The following PRKG1 variants were observed in gnomAD, a reference collection of about 807,000 sequenced individuals.
PRKG1 encodes cGMP-dependent protein kinase 1.
PRKG1 carries 35 observed loss-of-function variants against 88.1 expected under a neutral mutation model. That is an observed-to-expected ratio of 0.40 (90% CI 0.30 to 0.53). The LOEUF is 0.53. PRKG1 is among the 20% of genes least tolerant of loss of function. The pLI is 0.59. For synonymous variants in PRKG1, 303 were observed against 292.5 expected, an observed-to-expected ratio of 1.04 and a Z score of -0.37; for missense variants, 540 against 839.8, an observed-to-expected ratio of 0.64 and a Z score of 4.41.
intron 9 of PRKG1, among the ~76,000 whole-genome samples, chr10:52,223,676 G>T (rs1840309592): frequency 1.3e-5 from 2 of 152,086 alleles, no homozygotes; most frequent in Admixed American, 6.6e-5. Flanking sequence ...CAACCTATTT[G>T]AAAAATCCAC....
chr10:51,997,688 T>C (rs1480472972), intron 5 of PRKG1, among the ~76,000 whole-genome samples: 1 of 152,206 alleles, frequency 6.6e-6, no homozygotes, highest in Non-Finnish European at 1.5e-5. Context: ...TTGTACGCAA[T>C]AAATACATAC....
At chr10:51,733,447 A>G (rs1837171866) in intron 3 of PRKG1, among the ~76,000 whole-genome samples, 2 of 152,314 alleles carry the variant, frequency 1.3e-5, no homozygotes, top group South Asian at 4.2e-4. Context: ...TCTTGAACCA[A>G]CTAATAGTAA....
chr10:51,884,262 C>T (rs1310148874), intron 4 of PRKG1, among the ~76,000 whole-genome samples: 6 of 149,590 alleles, frequency 4.0e-5, no homozygotes, highest in African/African-American at 9.8e-5. Flanking sequence ...CTGGCTAACA[C>T]GGTGAAACCC....
intron 9 of PRKG1, among the ~76,000 whole-genome samples, chr10:52,205,269 C>A (rs754683251): frequency 2.1e-4 from 32 of 152,086 alleles, no homozygotes; most frequent in Non-Finnish European, 3.5e-4. Context: ...ACCTCTGTGA[C>A]CCACACCCTA....
At chr10:51,651,968 T>A (rs1840050351) in intron 3 of PRKG1, among the ~76,000 whole-genome samples, 1 of 152,224 alleles carries the variant, frequency 6.6e-6, no homozygotes, top group Non-Finnish European at 1.5e-5. Flanking sequence ...AATAGATGTG[T>A]TCCATAAATA....
intron 3 of PRKG1, among the ~76,000 whole-genome samples, chr10:51,486,124 GA>G (rs1840531935): frequency 6.6e-6 from 1 of 151,968 alleles, no homozygotes; most frequent in African/African-American, 2.4e-5. Flanking sequence ...TTTGCGATAA[GA>G]ACACATACCA....
chr10:51,660,240 A>G (rs1464385661), intron 3 of PRKG1, among the ~76,000 whole-genome samples: 2 of 152,056 alleles, frequency 1.3e-5, no homozygotes, highest in Non-Finnish European at 2.9e-5. Context: ...AATCATTATC[A>G]GAATCATGCT....
At chr10:51,011,429 A>C (rs28755832) in intron 1 of PRKG1, among the ~76,000 whole-genome samples, 1 of 152,034 alleles carries the variant, frequency 6.6e-6, no homozygotes, top group African/African-American at 2.4e-5. Context: ...CAAACAAAAT[A>C]AAAAAAATGT....
intron 9 of PRKG1, among the ~76,000 whole-genome samples, chr10:52,187,588 G>A (rs1038329308): frequency 6.6e-6 from 1 of 152,128 alleles, no homozygotes; most frequent in African/African-American, 2.4e-5. Flanking sequence ...TACATTACAA[G>A]TTCTGTCAAC....
At chr10:52,139,708 G>A (rs1046128171) in intron 8 of PRKG1, among the ~76,000 whole-genome samples, 7 of 152,020 alleles carry the variant, frequency 4.6e-5, no homozygotes, top group African/African-American at 1.7e-4. Context: ...CTTGGGATTG[G>A]GGGGTAAAGC....
chr10:52,136,090 T>G (rs560963201), intron 8 of PRKG1, among the ~76,000 whole-genome samples: 1 of 152,176 alleles, frequency 6.6e-6, no homozygotes, highest in South Asian at 2.1e-4. Context: ...GCAATAGGCT[T>G]AGTAACCTGG....
chr10:51,187,992 G>C (rs190594277), intron 2 of PRKG1, among the ~76,000 whole-genome samples: 1 of 151,944 alleles, frequency 6.6e-6, no homozygotes, highest in South Asian at 2.1e-4. Flanking sequence ...GTTCTTATTG[G>C]CACAATGCTT....
In PRKG1 at chr10:51,334,178, CT is replaced by C. The variant is rs1336945375; in HGVS notation, c.479-133544del. On this transcript the variant is annotated intron_variant, in intron 2 of 17. Transcript: ENST00000373980. The stretch of plus-strand genomic sequence containing the variant: ...TCTCTCTCTCTCTCTCTCTCTCTCT[CT>C]CTCTCTCTCTCTCACTCACACACAC... Among the ~76,000 whole-genome samples the C allele has an allele frequency of 4.5e-4, 68 of 151,478 alleles. 1 individual carries two copies. The highest frequency in any genetic ancestry group is 9.7e-4 in the African/African-American group (40 of 41,294).
intron 3 of PRKG1, among the ~76,000 whole-genome samples, chr10:51,699,988 G>A (rs1272390240): frequency 6.6e-6 from 1 of 152,272 alleles, no homozygotes; most frequent in Non-Finnish European, 1.5e-5. Flanking sequence ...ATTTAAGGCG[G>A]CGTGTTTTTC....
At chr10:51,036,343 C>A (rs1031866568) in intron 1 of PRKG1, among the ~76,000 whole-genome samples, 1 of 152,072 alleles carries the variant, frequency 6.6e-6, no homozygotes, top group Non-Finnish European at 1.5e-5. Flanking sequence ...ACAGGTATTA[C>A]TTTCATAGGA....
At chr10:51,292,383 C>T (rs1392225474) in intron 2 of PRKG1, among the ~76,000 whole-genome samples, 2 of 152,058 alleles carry the variant, frequency 1.3e-5, no homozygotes, top group Admixed American at 1.3e-4. Context: ...GAGACTTGTC[C>T]GATTTTTTAG....
At chr10:52,221,475 A>G (rs946630138) in intron 9 of PRKG1, among the ~76,000 whole-genome samples, 1 of 152,194 alleles carries the variant, frequency 6.6e-6, no homozygotes, top group African/African-American at 2.4e-5. Context: ...GAAAGTTAAG[A>G]ATATTTGCAC....
At chr10:51,500,997 C>T (rs143120753) in intron 3 of PRKG1, among the ~76,000 whole-genome samples, 5 of 152,206 alleles carry the variant, frequency 3.3e-5, no homozygotes, top group East Asian at 1.9e-4. Context: ...CTGAGCGCTA[C>T]GTTTCACATT....
chr10:51,874,354 C>A (rs932466565), intron 4 of PRKG1, among the ~76,000 whole-genome samples: 2 of 152,044 alleles, frequency 1.3e-5, no homozygotes. Context: ...TTGCAGAAAA[C>A]GTAAAAGTTA....
Sources: allele counts gnomAD v4.1 joint callset (sites outside exome capture counted in the v4.1 genomes callset), GRCh38; gene constraint gnomAD v4.1.1; transcripts MANE v1.5; gene names NCBI Gene and HGNC (gene_info 2026-07-23, HGNC 2026-07-21).